NUDC: variants seen among roughly 807,000 people sequenced by gnomAD.
The protein encoded by NUDC is nuclear migration protein nudC.
In NUDC, 14 loss-of-function variants were observed where a neutral mutation model predicts 45.0. That is an observed-to-expected ratio of 0.31 (90% confidence interval 0.21 to 0.49). The LOEUF is 0.49. Ranked by LOEUF, NUDC falls within the 20% of genes least tolerant of loss-of-function variation. NUDC has a pLI of 0.99. For synonymous variants in NUDC, 153 were observed against 156.7 expected (o/e 0.98, Z 0.17); for missense variants, 323 against 426.2 (o/e 0.76, Z 2.13).
intron 3 of NUDC, chr1:26,911,951 G>A (rs747795004): frequency 3.7e-6 from 6 of 1,614,262 alleles, no homozygotes; most frequent in Non-Finnish European, 5.1e-6. Context: ...GGACTTGAGG[G>A]TGGAGGCCGT....
At chr1:26,938,265 A>C (rs1248938774) in intron 2 of NUDC, among the ~76,000 whole-genome samples, 2 of 151,838 alleles carry the variant, frequency 1.3e-5, no homozygotes, top group East Asian at 3.9e-4. Flanking sequence ...ATTGGCCTTG[A>C]CTCTGCCTGG....
At chr1:26,922,042 C>T in intron 1 of NUDC, 113 bp downstream of exon 1, 2 of 1,087,042 alleles carry the variant, frequency 1.8e-6, no homozygotes, top group Non-Finnish European at 2.7e-6. Context: ...TTCTGGGATG[C>T]CCCTACATTC....
rs74315349 is a variant in NUDC at position 26,913,841 on chromosome 1, G to A, written c.93+2606G>A. On this transcript the variant is annotated intron_variant, in intron 3 of 6. Transcript: ENST00000435827. ...CTACATAGGCAGCGGCTACGGGGTC[G>A]GGGGACAGCCTTGAGGCTGGAGCTC... 55 of 1,509,110 alleles carry A rather than the reference G, an allele frequency of 3.6e-5. No individual in the cohort carries two copies. The East Asian group carries it at 8.7e-4, about 24-fold the overall frequency. The allele number at this position is 1,509,110 out of a possible 1,614,324, so 93.5% of individuals were successfully genotyped here.
At chr1:26,911,755 C>T (rs2124066617) in intron 3 of NUDC, 1 of 1,524,732 alleles carries the variant, frequency 6.6e-7, no homozygotes, top group Non-Finnish European at 9.1e-7. Flanking sequence ...CTTGCCCCCT[C>T]CAGGAGCATT....
intron 3 of NUDC, chr1:26,913,593 G>T: frequency 6.2e-7 from 1 of 1,614,084 alleles, no homozygotes; most frequent in Non-Finnish European, 8.5e-7. Flanking sequence ...TCTTGAGTAT[G>T]CTGGGCACCG....
chr1:26,928,168 A>G (rs2082149518), intron 2 of NUDC, among the ~76,000 whole-genome samples: 1 of 152,192 alleles, frequency 6.6e-6, no homozygotes, highest in African/African-American at 2.4e-5. Context: ...TCTGGCATTT[A>G]TGAGGATTTA....
intron 2 of NUDC, among the ~76,000 whole-genome samples, chr1:26,927,695 C>T (rs1215993430): frequency 6.6e-6 from 1 of 151,852 alleles, no homozygotes; most frequent in African/African-American, 2.4e-5. Flanking sequence ...TGCGCCCAGC[C>T]CCTAATTTTT....
rs1348671662 is a variant in NUDC at position 26,941,803 on chromosome 1, C to T, written c.414C>T (p.Asp138=). Reference sequence around the variant, plus strand: ...CCCAGCTCAAGAACGGCAGCCTTGACTCCCCAGGGAAGCAGGTGAGATGGA... The same window carrying T: ...CCCAGCTCAAGAACGGCAGCCTTGATTCCCCAGGGAAGCAGGTGAGATGGA... ...HEAQLKNGSL[D]SPGKQDTEED... is the part of the protein sequence containing the mutation. Residue 138 remains aspartate, a synonymous_variant, in exon 4 of 9, where the codon GAC becomes GAT. Coordinates refer to ENST00000321265, the MANE Select transcript of NUDC (RefSeq NM_006600.4). 6.2e-7 allele frequency: 1 copy of T among 1,613,250 alleles called. No individual in the cohort carries two copies. The highest frequency in any genetic ancestry group is 2.2e-5 in the East Asian group (1 of 44,882).
At chr1:26,935,992 A>G (rs779497148) in intron 2 of NUDC, among the ~76,000 whole-genome samples, 2 of 146,752 alleles carry the variant, frequency 1.4e-5, no homozygotes, top group Non-Finnish European at 3.0e-5. Context: ...TTTTTTTTTG[A>G]CTTGGAGTCT....
In NUDC at chr1:26,924,079, C is replaced by T. The variant is rs930693811; in HGVS notation, c.82-10C>T. ...AGCTCTACTACTTTAATCTTCTCCC[C>T]CTCTTTCAGCTTGTGAACACCTTCT... On this transcript the variant is annotated splice_polypyrimidine_tract_variant and intron_variant, in intron 1 of 8. Transcript: ENST00000321265. 6.2e-7 allele frequency: 1 copy of T among 1,613,832 alleles called. No individual in the cohort carries two copies. Among genetic ancestry groups the T allele is most frequent in the Admixed American group, 1.7e-5 (1 of 60,026 alleles).
chr1:26,923,133 G>T (rs1183558816), intron 1 of NUDC, among the ~76,000 whole-genome samples: 1 of 152,168 alleles, frequency 6.6e-6, no homozygotes, highest in Non-Finnish European at 1.5e-5. Flanking sequence ...CATATCTGGT[G>T]CCCAGCATTG....
intron 2 of NUDC, among the ~76,000 whole-genome samples, chr1:26,903,785 C>T (rs1473844383): frequency 6.6e-6 from 1 of 151,758 alleles, no homozygotes; most frequent in Non-Finnish European, 1.5e-5. Flanking sequence ...CCGAGGTGGG[C>T]GGATCACAAG....
intron 1 of NUDC, chr1:26,922,492 C>T (rs182694233): frequency 1.9e-5 from 3 of 157,414 alleles, no homozygotes; most frequent in East Asian, 1.9e-4. Flanking sequence ...AGTTAAGAAC[C>T]GTAAGTTCTC....
At chr1:26,924,980 A>G (rs1467950518) in intron 2 of NUDC, among the ~76,000 whole-genome samples, 1 of 151,400 alleles carries the variant, frequency 6.6e-6, no homozygotes, top group East Asian at 2.0e-4. Flanking sequence ...TCCTGGGTTT[A>G]AGTGATTCTT....
At chr1:26,934,034 T>G (rs536627372) in intron 2 of NUDC, among the ~76,000 whole-genome samples, 7 of 152,234 alleles carry the variant, frequency 4.6e-5, no homozygotes, top group Non-Finnish European at 1.0e-4. Context: ...GTGCCTGTAT[T>G]CCCAGCCACT....
rs931250552 is a variant in NUDC at position 26,924,275 on chromosome 1, A to G, written c.159+109A>G. 4 of 908,946 alleles carry G rather than the reference A, an allele frequency of 4.4e-6. No individual in the cohort carries two copies. The African/African-American group carries it at 4.9e-5, about 11-fold the overall frequency. 56.3% of individuals were successfully genotyped at this position (908,946 alleles called of 1,614,324 possible). ...AACTTTCAGCAGAAGCGAAATGCCA[A>G]AGGTGAGGAATTGGGGAAGGGAAGG... On this transcript the variant is annotated intron_variant, in intron 2 of 8. Coordinates refer to ENST00000321265, the MANE Select transcript of NUDC (RefSeq NM_006600.4).
In NUDC at chr1:26,942,935, G is replaced by T; in HGVS notation, c.611G>T (p.Arg204Leu). The change falls in exon 6 of 9, where the codon CGG (arginine) becomes CTG (leucine). Residue 204 changes from arginine to leucine, a missense_variant. Around this residue, in one of 3 missense-constraint regions of NUDC, gnomAD observed 245 missense variants for 278.8 expected, o/e 0.88. Coordinates refer to ENST00000321265, the MANE Select transcript of NUDC (RefSeq NM_006600.4). Reference sequence around the variant, plus strand: ...AAGGACATGGTGGTGGACATCCAGCGGCGGCACCTCCGGGTGGGGCTCAAG... The same window carrying T: ...AAGGACATGGTGGTGGACATCCAGCTGCGGCACCTCCGGGTGGGGCTCAAG... ...KGKDMVVDIQ[R>L]RHLRVGLKGQ... 1.2e-6 allele frequency: 2 copies of T among 1,614,036 alleles called. No homozygotes were observed. The highest frequency in any genetic ancestry group is 1.7e-6 in the Non-Finnish European group (2 of 1,180,032).
At chr1:26,911,818 C>T in intron 3 of NUDC, 1 of 1,614,078 alleles carries the variant, frequency 6.2e-7, no homozygotes, top group Non-Finnish European at 8.5e-7. Context: ...CCTCTGCCCA[C>T]CTGATCTCTG....
chr1:26,919,954 C>G (rs1460720661), upstream of NUDC, among the ~76,000 whole-genome samples: 1 of 152,194 alleles, frequency 6.6e-6, no homozygotes, highest in Non-Finnish European at 1.5e-5. Context: ...GCCCTGCCCT[C>G]AAGAGCCCTC....
Sources: allele counts gnomAD v4.1 joint callset (sites outside exome capture counted in the v4.1 genomes callset), GRCh38; gene constraint gnomAD v4.1.1; regional missense constraint gnomAD v4.1.1; transcripts MANE v1.5; gene names NCBI Gene and HGNC (gene_info 2026-07-23, HGNC 2026-07-21).